Variants in GPR107 observed in about 807,000 individuals in gnomAD.
GPR107 encodes G protein-coupled receptor 107.
Under a neutral mutation model 75.5 loss-of-function variants are expected in GPR107, and 31 were observed. The ratio of observed to expected loss-of-function variants is 0.41; its 90% CI spans 0.31 to 0.55. The LOEUF is 0.55. Among genes scored for constraint, GPR107 ranks in the 20% least tolerant of loss-of-function variants. The probability of loss-of-function intolerance (pLI) is 0.26; values close to 1 mark genes in which losing one functional copy is unlikely to be tolerated. For missense variants in GPR107, 572 were observed against 665.7 expected (o/e 0.86, Z 1.55); for synonymous variants, 267 against 251.3 (o/e 1.06, Z -0.59).
intron 17 of GPR107, 51 bp downstream of exon 17, chr9:130,128,812 C>G (rs779477469): frequency 1.9e-6 from 3 of 1,574,670 alleles, no homozygotes; most frequent in Non-Finnish European, 2.6e-6. Context: ...TTGCCTAACA[C>G]AAAGCAGCAC....
intron 1 of GPR107, among the ~76,000 whole-genome samples, chr9:130,074,081 T>C (rs889312547): frequency 6.6e-6 from 1 of 152,154 alleles, no homozygotes; most frequent in African/African-American, 2.4e-5. Flanking sequence ...TAACAGATGT[T>C]GAGGGGAAAC....
chr9:130,103,755 T>G lies in GPR107; in HGVS notation c.1132-665T>G, dbSNP rs556036323. Among the ~76,000 whole-genome samples the G allele has an allele frequency of 6.6e-6, 1 of 152,338 alleles. No individual in the cohort carries two copies. Among genetic ancestry groups the G allele is most frequent in the South Asian group, 2.1e-4 (1 of 4,832 alleles). On this transcript the variant is annotated intron_variant, in intron 12 of 17. Coordinates refer to ENST00000347136, the MANE Select transcript of GPR107 (RefSeq NM_020960.5). The surrounding 1 kb of genome is among the most constrained non-coding windows in gnomAD (Gnocchi z 4.3). Reference sequence around the variant, plus strand: ...GCCACCTATCCAGCAGTCCAGCACCTGAGTGACTCCACTGGGTTTGGGGTA... The same window carrying G: ...GCCACCTATCCAGCAGTCCAGCACCGGAGTGACTCCACTGGGTTTGGGGTA...
chr9:130,065,978 C>CT (rs1054857830), intron 1 of GPR107, among the ~76,000 whole-genome samples: 4 of 151,560 alleles, frequency 2.6e-5, no homozygotes, highest in African/African-American at 4.9e-5. Context: ...TATTCACTCC[C>CT]CCCCAAAAGT....
intron 9 of GPR107, among the ~76,000 whole-genome samples, chr9:130,098,035 C>T (rs965631644): frequency 6.6e-6 from 1 of 152,090 alleles, no homozygotes; most frequent in Non-Finnish European, 1.5e-5. Flanking sequence ...GTGTGCACCG[C>T]CACACCCAGC....
intron 5 of GPR107, among the ~76,000 whole-genome samples, chr9:130,081,793 C>T (rs1830497970): frequency 6.6e-6 from 1 of 151,712 alleles, no homozygotes; most frequent in Admixed American, 6.6e-5. Context: ...GAGACAGAGG[C>T]TGCAGTGAGC....
chr9:130,067,726 G>T (rs566417869), intron 1 of GPR107, among the ~76,000 whole-genome samples: 3 of 147,850 alleles, frequency 2.0e-5, no homozygotes, highest in Admixed American at 1.4e-4. Context: ...GGCAGCTAAT[G>T]ACTGGTAGTC....
intron 14 of GPR107, among the ~76,000 whole-genome samples, chr9:130,121,633 C>T (rs72759140): frequency 0.079 from 11,979 of 152,316 alleles, 610 homozygotes; most frequent in East Asian, 0.14. Flanking sequence ...TGCTGTTCCA[C>T]AGCACTCTCC....
intron 14 of GPR107, chr9:130,114,558 AT>A (rs777042813): frequency 5.5e-5 from 24 of 438,110 alleles, no homozygotes; most frequent in East Asian, 8.4e-5. Flanking sequence ...AATTTTTAAA[AT>A]TTTTTTTGTG....
Position 130,111,841 on chromosome 9 carries a change from C to G in GPR107, c.1306+4302C>G, listed in dbSNP as rs753949462. On this transcript the variant is annotated intron_variant, in intron 14 of 17. Transcript: ENST00000347136. ...CATTGAGGCCGAAGCTGCCCACTGT[C>G]CTTTAGCCGCGTCTTTGTCTCTCCT... 1.4e-4 allele frequency among the ~76,000 whole-genome samples: 21 copies of G among 152,172 alleles called. No homozygotes were observed. The South Asian group carries it at 1.5e-3, about 11-fold the overall frequency.
chr9:130,089,366 G>C (rs1220333027), intron 7 of GPR107, among the ~76,000 whole-genome samples: 1 of 152,166 alleles, frequency 6.6e-6, no homozygotes, highest in Non-Finnish European at 1.5e-5. Flanking sequence ...GCAGTGCATG[G>C]GTAGCTTGCG....
intron 8 of GPR107, among the ~76,000 whole-genome samples, chr9:130,091,421 C>A (rs1830734262): frequency 6.6e-6 from 1 of 151,056 alleles, no homozygotes; most frequent in Admixed American, 6.6e-5. Context: ...GCAGAGGTTA[C>A]AGTAAACCGA....
intron 14 of GPR107, among the ~76,000 whole-genome samples, chr9:130,119,608 C>T (rs748287816): frequency 3.9e-5 from 6 of 152,084 alleles, no homozygotes; most frequent in East Asian, 1.9e-4. Flanking sequence ...GATGTTCAGT[C>T]GTGCAGGGCC....
chr9:130,076,504 G>C (rs1169126006), intron 3 of GPR107, 42 bp downstream of exon 3: 1 of 1,248,690 alleles, frequency 8.0e-7, no homozygotes, highest in African/African-American at 1.5e-5. Flanking sequence ...CTTCACCTGA[G>C]CCCAGGCCAT....
intron 1 of GPR107, among the ~76,000 whole-genome samples, chr9:130,062,648 GCCTGCCTGCCTGCCTTCCTTCCTT>G (rs1303670544): frequency 0.031 from 2,945 of 95,398 alleles, 46 homozygotes; most frequent in Middle Eastern, 0.053. Context: ...CTGCCTGCCT[GCCTGCCTGCCTGCCTTCCTTCCTT>G]CCTTCCTTCC....
chr9:130,072,308 C>T (rs1354050043), intron 1 of GPR107, among the ~76,000 whole-genome samples: 1 of 151,478 alleles, frequency 6.6e-6, no homozygotes, highest in African/African-American at 2.4e-5. Context: ...AGGCTCCGCC[C>T]CCTGGGGTTC....
chr9:130,094,815 G>A (rs1251432961), intron 9 of GPR107, among the ~76,000 whole-genome samples: 1 of 151,884 alleles, frequency 6.6e-6, no homozygotes, highest in African/African-American at 2.4e-5. Context: ...CGAGTAACTG[G>A]GATTACAGGT....
rs1830139935 is a variant in GPR107, at chr9:130,069,234, A to C, written c.142-6402A>C. On this transcript the variant is annotated intron_variant, in intron 1 of 17. Coordinates refer to ENST00000347136, the MANE Select transcript of GPR107 (RefSeq NM_020960.5). ...AGGCTACTTGCCTCATAGAGTTGTAAGAACTTGAGGTGATGTATGAAGCTC... is the reference window on the plus strand; with the variant it reads ...AGGCTACTTGCCTCATAGAGTTGTACGAACTTGAGGTGATGTATGAAGCTC... Among the ~76,000 whole-genome samples the C allele has an allele frequency of 2.0e-5, 3 of 152,170 alleles. No individual in the cohort carries two copies. In the South Asian group the frequency reaches 6.2e-4, roughly 32 times the overall value.
intron 1 of GPR107, among the ~76,000 whole-genome samples, chr9:130,064,801 A>C (rs183914542): frequency 8.5e-5 from 13 of 152,304 alleles, no homozygotes; most frequent in Non-Finnish European, 1.6e-4. Flanking sequence ...CACAGAGGGA[A>C]GAAGGCGATG....
Position 130,080,560 on chromosome 9 carries a change from C to T in GPR107, c.526+791C>T, listed in dbSNP as rs1437757625. 9.9e-5 allele frequency among the ~76,000 whole-genome samples: 15 copies of T among 151,952 alleles called. No homozygotes were observed. In the South Asian group the frequency reaches 2.5e-3, roughly 25 times the overall value. The stretch of plus-strand genomic sequence containing the variant: ...AGGCTGGAGTACAGTGGCGCAATCT[C>T]GGCTCACTGCAAGCTCCGCCTCCCG... On this transcript the variant is annotated intron_variant, in intron 5 of 17. Transcript: ENST00000347136.
Sources: allele counts gnomAD v4.1 joint callset (sites outside exome capture counted in the v4.1 genomes callset), GRCh38; gene constraint gnomAD v4.1.1; non-coding constraint Gnocchi (gnomAD v3.1); transcripts MANE v1.5; gene names NCBI Gene and HGNC (gene_info 2026-07-23, HGNC 2026-07-21).